The following VRK2 variants were observed in gnomAD, a reference collection of about 807,000 sequenced individuals.
VRK2 encodes VRK serine/threonine kinase 2, also known as serine/threonine-protein kinase VRK2.
A neutral mutation model predicts 57.6 loss-of-function variants in VRK2; 60 were observed. The ratio of observed to expected loss-of-function variants is 1.04; its 90% CI spans 0.85 to 1.29. VRK2 has a LOEUF of 1.29. Ranked by LOEUF, VRK2 falls within the 50% of genes most tolerant of loss-of-function variation. VRK2 has a pLI of 0.00. For synonymous variants in VRK2, 231 were observed against 199.2 expected (o/e 1.16, Z -1.35); for missense variants, 705 against 588.1 (o/e 1.20, Z -2.06).
intron 1 of VRK2, among the ~76,000 whole-genome samples, chr2:57,933,967 A>T (rs961164706): frequency 1.3e-5 from 2 of 152,260 alleles, no homozygotes; most frequent in South Asian, 4.1e-4. Flanking sequence ...ATAGAGTCTA[A>T]CAGTCTATTT....
intron 10 of VRK2, among the ~76,000 whole-genome samples, chr2:58,136,200 C>T (rs762285002): frequency 2.6e-5 from 4 of 152,110 alleles, no homozygotes; most frequent in Admixed American, 6.5e-5. Flanking sequence ...TTTGCAAGTC[C>T]AATAAGCCTA....
chr2:58,042,752 A>G (rs575352401), upstream of VRK2, among the ~76,000 whole-genome samples: 1 of 152,308 alleles, frequency 6.6e-6, no homozygotes, highest in South Asian at 2.1e-4. Context: ...TTTGTGGTGA[A>G]TCATTCATAG....
At chr2:58,057,042 A>G (rs1045689471) in intron 2 of VRK2, among the ~76,000 whole-genome samples, 1 of 152,066 alleles carries the variant, frequency 6.6e-6, no homozygotes, top group African/African-American at 2.4e-5. Flanking sequence ...TCAGACGGTC[A>G]CTATTTTGTA....
chr2:58,126,079 CTTTT>C (rs1301728425), intron 8 of VRK2, among the ~76,000 whole-genome samples: 1 of 151,640 alleles, frequency 6.6e-6, no homozygotes, highest in African/African-American at 2.4e-5. Flanking sequence ...TCAGAAAAAT[CTTTT>C]TTTCAGTCCA....
At chr2:57,909,306 C>A (rs992407607) in intron 1 of VRK2, among the ~76,000 whole-genome samples, 1 of 152,100 alleles carries the variant, frequency 6.6e-6, no homozygotes, top group Non-Finnish European at 1.5e-5. Context: ...ATAAACCACC[C>A]ACCTATTATT....
chr2:58,047,502 A>G (rs1675014308), intron 1 of VRK2: 1 of 979,692 alleles, frequency 1.0e-6, no homozygotes, highest in Non-Finnish European at 1.2e-6. Context: ...TTACCGCCTC[A>G]AGCCCTGAGG....
intron 10 of VRK2, among the ~76,000 whole-genome samples, chr2:58,136,829 TATATATCATATATATTATATC>T: frequency 7.1e-6 from 1 of 141,644 alleles, no homozygotes; most frequent in African/African-American, 2.7e-5. Context: ...TATGTGTGTA[TATATATCATATATATTATATC>T]ATATATATGT....
At chr2:57,936,253 T>C (rs1670899746) in intron 1 of VRK2, among the ~76,000 whole-genome samples, 1 of 152,252 alleles carries the variant, frequency 6.6e-6, no homozygotes, top group African/African-American at 2.4e-5. Context: ...TCTGCAATTA[T>C]ATTTTTTCAA....
At chr2:58,146,782 T>C (rs1160183059) in intron 12 of VRK2, among the ~76,000 whole-genome samples, 1 of 152,010 alleles carries the variant, frequency 6.6e-6, no homozygotes, top group Non-Finnish European at 1.5e-5. Context: ...TTCTATACTT[T>C]TACATTGGTT....
chr2:58,133,957 A>G (rs1016314373), intron 9 of VRK2, among the ~76,000 whole-genome samples: 2 of 152,288 alleles, frequency 1.3e-5, no homozygotes, highest in African/African-American at 2.4e-5. Context: ...CATTTATATT[A>G]TAATTCCTGT....
At chr2:58,032,312 T>A (rs1417849668) in intron 2 of VRK2, among the ~76,000 whole-genome samples, 1 of 152,062 alleles carries the variant, frequency 6.6e-6, no homozygotes, top group East Asian at 1.9e-4. Flanking sequence ...AACAAAAGAT[T>A]TATTTCTCAA....
chr2:58,017,789 C>T (rs888096957), intron 1 of VRK2, among the ~76,000 whole-genome samples: 3 of 152,080 alleles, frequency 2.0e-5, no homozygotes, highest in African/African-American at 7.2e-5. Context: ...AGTCAGTTAC[C>T]TTATTTCTTA....
At chr2:57,946,861 A>G (rs1366066372) in intron 1 of VRK2, among the ~76,000 whole-genome samples, 1 of 152,136 alleles carries the variant, frequency 6.6e-6, no homozygotes, top group African/African-American at 2.4e-5. Flanking sequence ...TGAGAGACTT[A>G]ATCAACTCCA....
At chr2:57,940,778 G>C (rs1235958786) in intron 1 of VRK2, among the ~76,000 whole-genome samples, 3 of 151,928 alleles carry the variant, frequency 2.0e-5, no homozygotes, top group African/African-American at 7.2e-5. Context: ...TTTCACATGA[G>C]GCAATGAAAC....
intron 1 of VRK2, among the ~76,000 whole-genome samples, chr2:58,009,696 T>A (rs1430814281): frequency 6.6e-6 from 1 of 151,758 alleles, no homozygotes; most frequent in Non-Finnish European, 1.5e-5. Flanking sequence ...CATTTTCACT[T>A]TATTCATACA....
At chr2:58,025,353 A>G (rs1216537182) in intron 1 of VRK2, among the ~76,000 whole-genome samples, 1 of 152,064 alleles carries the variant, frequency 6.6e-6, no homozygotes, top group African/African-American at 2.4e-5. Flanking sequence ...GTGGTAAGCC[A>G]TTACTATTGC....
intron 2 of VRK2, among the ~76,000 whole-genome samples, chr2:58,066,034 A>G (rs535178897): frequency 6.6e-6 from 1 of 152,292 alleles, no homozygotes; most frequent in East Asian, 1.9e-4. Context: ...GGGAATTTCC[A>G]CGTACACAAT....
intron 7 of VRK2, among the ~76,000 whole-genome samples, chr2:58,105,589 T>C (rs1674623794): frequency 2.0e-5 from 3 of 151,758 alleles, no homozygotes; most frequent in African/African-American, 7.2e-5. Context: ...AAAGAGCAAT[T>C]TATGACCAAA....
At chr2:58,065,864 T>C (rs1413857311) in intron 2 of VRK2, among the ~76,000 whole-genome samples, 1 of 152,158 alleles carries the variant, frequency 6.6e-6, no homozygotes, top group Non-Finnish European at 1.5e-5. Flanking sequence ...TTTGGAGCTA[T>C]TGAAAATGTT....
Sources: gnomAD v4.1 joint callset for allele counts (sites outside exome capture counted in the v4.1 genomes callset) on GRCh38, gnomAD v4.1.1 for gene constraint, MANE v1.5 for transcripts, NCBI Gene and HGNC (gene_info 2026-07-23, HGNC 2026-07-21) for gene names.